The following SEPHS1 variants were observed in gnomAD, a reference collection of about 807,000 sequenced individuals.
SEPHS1 encodes zincore component SEPHS1.
Under a neutral mutation model 39.2 loss-of-function variants are expected in SEPHS1, and 7 were observed. That is an observed-to-expected ratio of 0.18 (90% CI 0.10 to 0.34). SEPHS1 has a LOEUF of 0.34. Among genes scored for constraint, SEPHS1 ranks in the 10% least tolerant of loss-of-function variants. The probability of loss-of-function intolerance (pLI) is 1.00; values close to 1 mark genes in which losing one functional copy is unlikely to be tolerated. For missense variants in SEPHS1, 253 were observed against 514.5 expected (o/e 0.49, Z 4.92); for synonymous variants, 190 against 195.5 (o/e 0.97, Z 0.23).
chr10:13,331,307 G>A (rs942631123), intron 5 of SEPHS1, among the ~76,000 whole-genome samples: 1 of 152,172 alleles, frequency 6.6e-6, no homozygotes, highest in Non-Finnish European at 1.5e-5. Context: ...GTGTGCATGC[G>A]TCTTTACAGC....
intron 7 of SEPHS1, among the ~76,000 whole-genome samples, chr10:13,326,897 A>G (rs776336007): frequency 6.6e-6 from 1 of 152,216 alleles, no homozygotes; most frequent in Non-Finnish European, 1.5e-5. Context: ...TTGTAAAACA[A>G]TAGGTAAAAG....
Position 13,318,712 on chromosome 10 carries a change from G to C in SEPHS1, c.*430C>G, listed in dbSNP as rs1468684973. 5 of 185,988 alleles carry C rather than the reference G, an allele frequency of 2.7e-5. No homozygotes were observed. Among genetic ancestry groups the C allele is most frequent in the Non-Finnish European group, 5.4e-5 (5 of 92,276 alleles). 11.5% of individuals were successfully genotyped at this position (185,988 alleles called of 1,614,324 possible). A position where few individuals can be genotyped will look rare whatever the true frequency, so the allele number is the denominator to read the frequency against. On this transcript the variant is annotated 3_prime_UTR_variant, in exon 9 of 9. Coordinates refer to ENST00000327347, the MANE Select transcript of SEPHS1 (RefSeq NM_012247.5). ...CCGTCATGTGCCACTTACCAATGCT[G>C]TCTCTCCAGAAAACCATTCAAGACG...
chr10:13,343,927 A>G (rs1833861941), intron 2 of SEPHS1, among the ~76,000 whole-genome samples: 1 of 152,242 alleles, frequency 6.6e-6, no homozygotes. Flanking sequence ...TGTGTACTTA[A>G]TAAACTGCAC....
At chr10:13,323,156 C>T (rs945450175) in intron 7 of SEPHS1, 109 bp from the exon 8 acceptor site, 23 of 867,114 alleles carry the variant, frequency 2.7e-5, no homozygotes, top group South Asian at 9.3e-5. Flanking sequence ...GATGACGTAT[C>T]GGAATAATGA....
chr10:13,343,401 C>T (rs373072683), intron 2 of SEPHS1, among the ~76,000 whole-genome samples: 1 of 152,146 alleles, frequency 6.6e-6, no homozygotes, highest in East Asian at 1.9e-4. Context: ...TGGGGTGTAA[C>T]ATTTCTTCCT....
rs1458656571 is a variant in SEPHS1, at chr10:13,323,764, C to CA, written c.752-718dup. ...CTTTCTTTTTTTTTTTTTTAAGAGA[C>CA]AGAGTCTTGCTCTATTGACCAGGCT... On this transcript the variant is annotated intron_variant, in intron 7 of 8. Transcript: ENST00000327347. 4.0e-5 allele frequency among the ~76,000 whole-genome samples: 6 copies of CA among 149,642 alleles called. No homozygotes were observed. The East Asian group carries it at 5.9e-4, about 15-fold the overall frequency.
intron 4 of SEPHS1, among the ~76,000 whole-genome samples, chr10:13,335,864 C>G (rs182267872): frequency 6.6e-6 from 1 of 150,800 alleles, no homozygotes. Context: ...CCTGTAATCC[C>G]AGCTACTTGG....
chr10:13,334,257 G>C lies in SEPHS1; in HGVS notation c.406-286C>G, dbSNP rs115391202. On this transcript the variant is annotated intron_variant, in intron 4 of 8. Coordinates refer to ENST00000327347, the MANE Select transcript of SEPHS1 (RefSeq NM_012247.5). ...CTACGAAACATGTAAAAATTGCTGG[G>C]TGACCGGGCACAGTGGCTCATGCCT... is the stretch of plus-strand genomic sequence containing the variant. Among the ~76,000 whole-genome samples the C allele has an allele frequency of 2.7e-3, 411 of 152,170 alleles. 3 individuals are homozygous for C. Among genetic ancestry groups the C allele is most frequent in the African/African-American group, 9.5e-3 (393 of 41,534 alleles).
intron 2 of SEPHS1, among the ~76,000 whole-genome samples, chr10:13,339,146 A>C (rs1175876623): frequency 6.6e-6 from 1 of 152,214 alleles, no homozygotes; most frequent in Non-Finnish European, 1.5e-5. Flanking sequence ...TACCGTATAC[A>C]ATTTCTTTGA....
At chr10:13,320,402 C>T (rs967507756) in intron 8 of SEPHS1, among the ~76,000 whole-genome samples, 12 of 151,702 alleles carry the variant, frequency 7.9e-5, no homozygotes, top group Non-Finnish European at 1.0e-4. Context: ...AGGATGGTCT[C>T]GATCTCCTGA....
chr10:13,319,915 G>A (rs568591776), intron 8 of SEPHS1, among the ~76,000 whole-genome samples: 4 of 152,210 alleles, frequency 2.6e-5, no homozygotes, highest in East Asian at 3.9e-4. Flanking sequence ...AAGGTGTTTG[G>A]GGCTTCAATA....
rs76941111 is a variant in SEPHS1, at chr10:13,332,147, C to G, written c.560+1670G>C. Among the ~76,000 whole-genome samples, 1,264 of 152,300 alleles carry G rather than the reference C, an allele frequency of 8.3e-3. 9 individuals are homozygous for G. The highest frequency in any genetic ancestry group is 0.029 in the African/African-American group (1,193 of 41,556). On this transcript the variant is annotated intron_variant, in intron 5 of 8. Coordinates refer to ENST00000327347, the MANE Select transcript of SEPHS1 (RefSeq NM_012247.5). ...CAAAGGTCCGTCACCTGAGGAATGG[C>G]TAAATAAAGCAGGGTCCATCCATGC...
Position 13,318,431 on chromosome 10 carries a change from C to T in SEPHS1, c.*711G>A, listed in dbSNP as rs1351781481. On this transcript the variant is annotated 3_prime_UTR_variant, in exon 9 of 9. Transcript: ENST00000327347. ...TGTAGCACTATAGAACATCTAATAA[C>T]ATTGCAAAAAGTATCCTTTTTTGCT... 6.6e-6 allele frequency: 1 copy of T among 152,598 alleles called. No individual in the cohort carries two copies. Among genetic ancestry groups the T allele is most frequent in the Non-Finnish European group, 1.5e-5 (1 of 68,038 alleles). The allele number at this position is 152,598 out of a possible 1,614,324, so 9.5% of individuals were successfully genotyped here. A position where few individuals can be genotyped will look rare whatever the true frequency, so the allele number is the denominator to read the frequency against.
rs1280600680 is a variant in SEPHS1, at chr10:13,336,317, G to C, written c.331C>G (p.Leu111Val). Reference sequence around the variant, plus strand: ...CATTCCGTGACCCCCATTGCATAGAGGTCACTGAGGACATTGGCACACGCT... The same window carrying C: ...CATTCCGTGACCCCCATTGCATAGACGTCACTGAGGACATTGGCACACGCT... The part of the protein sequence containing the change: ...RIACANVLSD[L>V]YAMGVTECDN... The change falls in exon 4 of 9, where the codon CTC becomes GTC. Residue 111 changes from leucine to valine, a missense_variant. Physicochemically the swap from Leu to Val is conservative, Grantham distance 32. This residue lies in a region of SEPHS1 where 123 missense variants were observed against 196.8 expected (regional missense o/e 0.62). Transcript: ENST00000327347. 6.2e-7 allele frequency: 1 copy of C among 1,613,986 alleles called. No individual in the cohort carries two copies. The highest frequency in any genetic ancestry group is 1.7e-5 in the Admixed American group (1 of 60,014).
intron 7 of SEPHS1, among the ~76,000 whole-genome samples, chr10:13,325,146 A>G (rs773318101): frequency 1.3e-5 from 2 of 152,078 alleles, no homozygotes; most frequent in Non-Finnish European, 2.9e-5. Flanking sequence ...TTCACCGAGC[A>G]GAAGTTTTTT....
At chr10:13,322,696 C>G (rs912734218) in intron 8 of SEPHS1, 139 bp downstream of exon 8, 2 of 764,844 alleles carry the variant, frequency 2.6e-6, no homozygotes, top group Non-Finnish European at 4.2e-6. Flanking sequence ...AGGAAAGGCA[C>G]CAGCTGCTGC....
rs1210108246 is a variant in SEPHS1, at chr10:13,341,446, C to G, written c.194-2638G>C. ...TATCACACCACTACCCACCCCCAAC[C>G]CCTGCACCGCCCCCGCCAGCAGCAG... On this transcript the variant is annotated intron_variant, in intron 2 of 8. Transcript: ENST00000327347. Among the ~76,000 whole-genome samples the G allele has an allele frequency of 2.5e-5, 3 of 121,408 alleles. No individual in the cohort carries two copies. In the East Asian group the frequency reaches 1.1e-3, roughly 46 times the overall value. The allele number at this position is 121,408 out of a possible 152,430, so 79.6% of individuals were successfully genotyped here. A position where few individuals can be genotyped will look rare whatever the true frequency, so the allele number is the denominator to read the frequency against.
intron 8 of SEPHS1, chr10:13,322,173 G>A (rs928294182): frequency 1.2e-4 from 44 of 363,516 alleles, no homozygotes; most frequent in African/African-American, 8.2e-4. Context: ...GCAGAATCTC[G>A]CTCTGTCACC....
Position 13,321,085 on chromosome 10 carries a change from C to T in SEPHS1, c.965-1729G>A, listed in dbSNP as rs573702514. Among the ~76,000 whole-genome samples the T allele has an allele frequency of 1.3e-4, 20 of 152,160 alleles. No homozygotes were observed. The East Asian group carries it at 3.7e-3, about 28-fold the overall frequency. ...CTGGCAGAGTCCTGAAGCCCCCTCGCCACAGCACAGGTCGACGTGACCAGG... is the reference window on the plus strand; with the variant it reads ...CTGGCAGAGTCCTGAAGCCCCCTCGTCACAGCACAGGTCGACGTGACCAGG... On this transcript the variant is annotated intron_variant, in intron 8 of 8. Transcript: ENST00000327347.
Sources: gnomAD v4.1 joint callset for allele counts (sites outside exome capture counted in the v4.1 genomes callset) on GRCh38, gnomAD v4.1.1 for gene constraint, gnomAD v4.1.1 regional missense constraint, MANE v1.5 for transcripts, NCBI Gene and HGNC (gene_info 2026-07-23, HGNC 2026-07-21) for gene names.